The following ASTN1 variants were observed in gnomAD, a reference collection of about 807,000 sequenced individuals.
ASTN1 encodes astrotactin-1.
ASTN1 carries 41 observed loss-of-function variants against 140.7 expected under a neutral mutation model. The ratio of observed to expected loss-of-function variants is 0.29; its 90% confidence interval spans 0.23 to 0.38. ASTN1 has a LOEUF of 0.38. Ranked by LOEUF, ASTN1 falls within the 10% of genes least tolerant of loss-of-function variation. ASTN1 has a pLI of 1.00. For synonymous variants in ASTN1, 640 were observed against 652.2 expected (o/e 0.98, Z 0.29); for missense variants, 1,479 against 1,678.8 (o/e 0.88, Z 2.08).
chr1:176,860,966 G>A (rs1487110594), downstream of ASTN1: 10 of 542,384 alleles, frequency 1.8e-5, no homozygotes, highest in Non-Finnish European at 2.3e-5. Context: ...GGCCCATTAT[G>A]TCTGGAATCT....
chr1:176,955,136 GC>G (rs1672346170), intron 11 of ASTN1, among the ~76,000 whole-genome samples: 1 of 152,130 alleles, frequency 6.6e-6, no homozygotes, highest in Non-Finnish European at 1.5e-5. Flanking sequence ...ATAAAAATAG[GC>G]CTTTCTTGGG....
At chr1:176,882,178 C>T (rs1046582284) in intron 20 of ASTN1, among the ~76,000 whole-genome samples, 13 of 152,328 alleles carry the variant, frequency 8.5e-5, no homozygotes, top group South Asian at 2.1e-4. Flanking sequence ...TGATATAGTT[C>T]GCTGCATTTC....
Position 176,888,335 on chromosome 1 carries a change from T to A in ASTN1, c.2941-131A>T, listed in dbSNP as rs544753563. On this transcript the variant is annotated intron_variant, in intron 17 of 22. Transcript: ENST00000361833. ...AGCAGCAGGTTGTGTCGCCACTTTA[T>A]CATTGTCTCAAATTCTGATTCCAGG... 8.0e-5 allele frequency: 86 copies of A among 1,072,280 alleles called. No individual in the cohort carries two copies. In the Middle Eastern group the frequency reaches 1.5e-3, roughly 19 times the overall value. The allele number at this position is 1,072,280 out of a possible 1,614,324, so 66.4% of individuals were successfully genotyped here.
chr1:177,096,573 G>A (rs560789406), intron 1 of ASTN1, among the ~76,000 whole-genome samples: 3 of 152,264 alleles, frequency 2.0e-5, no homozygotes, highest in African/African-American at 7.2e-5. Context: ...TGTGTTATGA[G>A]AGGGATCCAG....
At chr1:177,116,455 C>T (rs1050202773) in intron 1 of ASTN1, among the ~76,000 whole-genome samples, 1 of 152,166 alleles carries the variant, frequency 6.6e-6, no homozygotes, top group Admixed American at 6.5e-5. Context: ...CTTTAGGTAA[C>T]AGTTTCCTTC....
In ASTN1 at chr1:177,109,006, AG is replaced by A. The variant is rs781074418; in HGVS notation, c.284-47742del. 1.6e-4 allele frequency among the ~76,000 whole-genome samples: 24 copies of A among 152,266 alleles called. 1 individual carries two copies. Among genetic ancestry groups the A allele is most frequent in the Admixed American group, 3.9e-4 (6 of 15,296 alleles). ...ATAAGCTGGAAAAGCACGCAAAAAA[AG>A]AAAAAGAAAAAGAAAGAAAGAAAAT... On this transcript the variant is annotated intron_variant, in intron 1 of 22. Transcript: ENST00000361833.
intron 1 of ASTN1, among the ~76,000 whole-genome samples, chr1:177,160,219 C>T (rs1212798013): frequency 2.0e-5 from 3 of 152,208 alleles, no homozygotes; most frequent in Non-Finnish European, 4.4e-5. Context: ...CAACTGTTCA[C>T]TAAGTGACCC....
Position 176,886,720 on chromosome 1 carries a change from G to A in ASTN1, c.3074+1351C>T, listed in dbSNP as rs556622291. Reference sequence around the variant, plus strand: ...TGTCCTGGCCCTTTAGTGCCTACCCGCACCTGCATGAAACAGGCCAGAGGG... The same window carrying A: ...TGTCCTGGCCCTTTAGTGCCTACCCACACCTGCATGAAACAGGCCAGAGGG... On this transcript the variant is annotated intron_variant, in intron 18 of 22. Coordinates refer to ENST00000361833, the MANE Select transcript of ASTN1 (RefSeq NM_004319.3). 4.6e-5 allele frequency among the ~76,000 whole-genome samples: 7 copies of A among 152,146 alleles called. 1 individual carries two copies. The highest frequency in any genetic ancestry group is 2.1e-4 in the South Asian group (1 of 4,806).
intron 16 of ASTN1, among the ~76,000 whole-genome samples, chr1:176,928,325 A>G (rs1671061266): frequency 6.6e-6 from 1 of 152,162 alleles, no homozygotes; most frequent in African/African-American, 2.4e-5. Context: ...TTTACTTTTC[A>G]TTTTATTCTG....
chr1:176,980,857 C>T (rs1405534346), intron 8 of ASTN1, among the ~76,000 whole-genome samples: 1 of 152,014 alleles, frequency 6.6e-6, no homozygotes, highest in Non-Finnish European at 1.5e-5. Context: ...TATGCTTCTC[C>T]TTTCATTCAA....
At chr1:177,082,498 A>G (rs557681433) in intron 1 of ASTN1, among the ~76,000 whole-genome samples, 4 of 152,322 alleles carry the variant, frequency 2.6e-5, no homozygotes, top group Admixed American at 2.6e-4. Context: ...CTTCTGAAGT[A>G]GCCCCTTGAT....
chr1:176,893,746 A>C (rs1208971649), intron 17 of ASTN1, among the ~76,000 whole-genome samples: 2 of 152,112 alleles, frequency 1.3e-5, no homozygotes, highest in African/African-American at 4.8e-5. Flanking sequence ...ATAGTTCCAG[A>C]AGTCCCACAC....
chr1:177,004,110 T>A (rs887312633), intron 8 of ASTN1, among the ~76,000 whole-genome samples: 1 of 152,144 alleles, frequency 6.6e-6, no homozygotes, highest in African/African-American at 2.4e-5. Context: ...CTAGATTTGA[T>A]AAACGAATTC....
At chr1:177,011,850 T>C (rs1416745563) in intron 8 of ASTN1, among the ~76,000 whole-genome samples, 1 of 152,150 alleles carries the variant, frequency 6.6e-6, no homozygotes, top group Non-Finnish European at 1.5e-5. Context: ...AATTTGTAAC[T>C]TCTTATATTA....
chr1:177,127,736 C>T (rs1402148917), intron 1 of ASTN1, among the ~76,000 whole-genome samples: 1 of 152,196 alleles, frequency 6.6e-6, no homozygotes, highest in South Asian at 2.1e-4. Context: ...ACATATTTGG[C>T]CCACAGTGTT....
chr1:176,857,566 G>C (rs1667849833), downstream of ASTN1: 2 of 539,452 alleles, frequency 3.7e-6, no homozygotes, highest in East Asian at 6.6e-5. Flanking sequence ...CTGAGGCAGG[G>C]AGAAGGGGAA....
At chr1:177,135,868 G>C (rs1311890581) in intron 1 of ASTN1, among the ~76,000 whole-genome samples, 2 of 152,158 alleles carry the variant, frequency 1.3e-5, no homozygotes, top group Admixed American at 6.5e-5. Flanking sequence ...AAGTACTAAA[G>C]AGACTCTGCA....
chr1:176,894,993 C>T (rs1394586509), intron 16 of ASTN1, among the ~76,000 whole-genome samples, 163 bp from the exon 17 acceptor site: 1 of 152,216 alleles, frequency 6.6e-6, no homozygotes, highest in African/African-American at 2.4e-5. Flanking sequence ...GGGCACCCAA[C>T]CTCCCAGCGA....
intron 16 of ASTN1, among the ~76,000 whole-genome samples, chr1:176,912,283 C>T (rs1225190682): frequency 6.6e-6 from 1 of 152,130 alleles, no homozygotes; most frequent in East Asian, 1.9e-4. Context: ...CTCAACTGTG[C>T]CTTTGTAGTG....
Sources: allele counts gnomAD v4.1 joint callset (sites outside exome capture counted in the v4.1 genomes callset), GRCh38; gene constraint gnomAD v4.1.1; transcripts MANE v1.5; gene names NCBI Gene and HGNC (gene_info 2026-07-23, HGNC 2026-07-21).